Variants in UCHL1 observed in about 807,000 individuals in gnomAD.
UCHL1 encodes the protein ubiquitin carboxyl-terminal hydrolase isozyme L1.
In UCHL1, 5 loss-of-function variants were observed where a neutral mutation model predicts 33.3. That is an observed-to-expected ratio of 0.15 (90% CI 0.08 to 0.32). The LOEUF is 0.32. Ranked by LOEUF, UCHL1 falls within the 10% of genes least tolerant of loss-of-function variation. The probability of loss-of-function intolerance (pLI) is 1.00; values close to 1 mark genes in which losing one functional copy is unlikely to be tolerated. For synonymous variants in UCHL1, 132 were observed against 108.8 expected, an observed-to-expected ratio of 1.21 and a Z score of -1.33; for missense variants, 236 against 280.0, an observed-to-expected ratio of 0.84 and a Z score of 1.12.
At chr4:41,257,327 A>AG in intron 2 of UCHL1, 1 of 1,007,426 alleles carries the variant, frequency 9.9e-7, no homozygotes, top group Non-Finnish European at 1.4e-6. Context: ...GGGGAGACGG[A>AG]GGGGGCTGCG....
intron 3 of UCHL1, among the ~76,000 whole-genome samples, chr4:41,258,001 A>C (rs1019445060): frequency 6.6e-6 from 1 of 152,208 alleles, no homozygotes; most frequent in Non-Finnish European, 1.5e-5. Context: ...CCCGTTATCC[A>C]GGGAAATCAT....
intron 8 of UCHL1, 145 bp from the exon 9 acceptor site, chr4:41,267,842 T>C (rs1257988348): frequency 1.3e-6 from 1 of 762,844 alleles, no homozygotes; most frequent in African/African-American, 1.7e-5. Context: ...GATTTTTTGC[T>C]TTAAGCCCTG....
rs1781058695 is a variant in UCHL1, at chr4:41,260,850, G to C, written c.325+53G>C. ...CCTAAGCTTGAACTTGAAACATGGAGTTCAGAAACAGCTGTTTTCCCGAGG... is the reference window on the plus strand; with the variant it reads ...CCTAAGCTTGAACTTGAAACATGGACTTCAGAAACAGCTGTTTTCCCGAGG... On this transcript the variant is annotated intron_variant, in intron 4 of 8. Coordinates refer to ENST00000284440, the MANE Select transcript of UCHL1 (RefSeq NM_004181.5). 4 of 1,613,132 alleles carry C rather than the reference G, an allele frequency of 2.5e-6. No individual in the cohort carries two copies. The South Asian group carries it at 4.4e-5, about 18-fold the overall frequency.
intron 7 of UCHL1, 89 bp downstream of exon 7, chr4:41,263,380 C>T (rs893875824): frequency 3.3e-6 from 4 of 1,228,242 alleles, no homozygotes; most frequent in Admixed American, 3.4e-5. Context: ...GACTTTATGG[C>T]ACTTGGCATA....
In UCHL1 at chr4:41,257,214, C is replaced by T. The variant is rs1561079179; in HGVS notation, c.45+88C>T. ...ACCGGTTCCGGCTGCTGGCAGGGAC[C>T]AAGCCGCCCGCTGCGAGCACCGGAG... On this transcript the variant is annotated intron_variant, in intron 2 of 8. Coordinates refer to ENST00000284440, the MANE Select transcript of UCHL1 (RefSeq NM_004181.5). 9 of 1,600,388 alleles carry T rather than the reference C, an allele frequency of 5.6e-6. No individual in the cohort carries two copies. In the East Asian group the frequency reaches 1.1e-4, roughly 20 times the overall value.
Position 41,268,132 on chromosome 4 carries a change from C to T in UCHL1, c.*59C>T. The T allele has an allele frequency of 6.9e-7, 1 of 1,453,712 alleles. No homozygotes were observed. Among genetic ancestry groups the T allele is most frequent in the Non-Finnish European group, 9.6e-7 (1 of 1,046,020 alleles). 90.1% of individuals were successfully genotyped at this position (1,453,712 alleles called of 1,614,324 possible). On this transcript the variant is annotated 3_prime_UTR_variant, in exon 9 of 9. Transcript: ENST00000284440. ...CTTCCCTTCAACATGAAAATATATA[C>T]CCCCCCATGCAGTCTAAAATGCTTC...
At chr4:41,257,820 G>C (rs1325568805) in intron 3 of UCHL1, 83 bp downstream of exon 3, 3 of 1,497,356 alleles carry the variant, frequency 2.0e-6, no homozygotes, top group Non-Finnish European at 2.7e-6. Context: ...TCCCCGCCCC[G>C]CCCCCTCCCC....
intron 3 of UCHL1, among the ~76,000 whole-genome samples, chr4:41,259,544 C>T (rs1781037868): frequency 6.6e-6 from 1 of 152,158 alleles, no homozygotes. Flanking sequence ...AGAGATCTTA[C>T]TCTTCTATTA....
At chr4:41,264,199 C>G in intron 8 of UCHL1, 38 bp downstream of exon 8, 9 of 1,612,842 alleles carry the variant, frequency 5.6e-6, no homozygotes, top group Non-Finnish European at 7.6e-6. Flanking sequence ...ATGTGCCTCA[C>G]AATTCTTTGG....
At chr4:41,258,441 C>G (rs1384877633) in intron 3 of UCHL1, among the ~76,000 whole-genome samples, 2 of 152,102 alleles carry the variant, frequency 1.3e-5, no homozygotes, top group African/African-American at 4.8e-5. Flanking sequence ...TTGCATTTCC[C>G]TTGAAATGAT....
At chr4:41,257,427 G>T (rs1780996123) in intron 2 of UCHL1, 182 bp from the exon 3 acceptor site, 4 of 978,404 alleles carry the variant, frequency 4.1e-6, no homozygotes, top group Non-Finnish European at 5.6e-6. Context: ...GGCGCCACGT[G>T]TGGGCCGCGC....
chr4:41,268,144 GT>G lies in UCHL1; in HGVS notation c.*72del. The G allele has an allele frequency of 7.1e-7, 1 of 1,401,956 alleles. No homozygotes were observed. Among genetic ancestry groups the G allele is most frequent in the Non-Finnish European group, 1.0e-6 (1 of 1,003,626 alleles). 86.8% of individuals were successfully genotyped at this position (1,401,956 alleles called of 1,614,324 possible). A position where few individuals can be genotyped will look rare whatever the true frequency, so the allele number is the denominator to read the frequency against. ...ATGAAAATATATACCCCCCCATGCAGTCTAAAATGCTTCAGTACTTGTGAAA... is the reference window on the plus strand; with the variant it reads ...ATGAAAATATATACCCCCCCATGCAGCTAAAATGCTTCAGTACTTGTGAAA... On this transcript the variant is annotated 3_prime_UTR_variant, in exon 9 of 9. Transcript: ENST00000284440.
In UCHL1 at chr4:41,259,050, G is replaced by GTTC. The variant is rs539141588; in HGVS notation, c.174+1315_174+1317dup. ...GCATGTTTGCCTTTAAAAGCTGACT[G>GTTC]TTCTCCTTTTGCTGAATCTTGTTTA... is the stretch of plus-strand genomic sequence containing the variant. On this transcript the variant is annotated intron_variant, in intron 3 of 8. Coordinates refer to ENST00000284440, the MANE Select transcript of UCHL1 (RefSeq NM_004181.5). Among the ~76,000 whole-genome samples the GTTC allele has an allele frequency of 5.4e-4, 83 of 152,324 alleles. 1 individual carries two copies. The South Asian group carries it at 0.017, about 31-fold the overall frequency.
At chr4:41,257,291 G>T in intron 2 of UCHL1, 165 bp downstream of exon 2, 1 of 1,194,734 alleles carries the variant, frequency 8.4e-7, no homozygotes. Context: ...CCTGCATTTA[G>T]CGGGTGACTC....
intron 7 of UCHL1, 124 bp downstream of exon 7, chr4:41,263,415 C>CA: frequency 3.0e-6 from 3 of 996,190 alleles, no homozygotes; most frequent in South Asian, 2.7e-5. Context: ...GCCACAATAA[C>CA]AAAGTATTCT....
chr4:41,256,930 C>A lies in UCHL1; in HGVS notation c.-47C>A, dbSNP rs752001613. ...GCTGCAGCCTGGGCGGCTCCGCTAG[C>A]TGTTTTTCGTCTTCCCTAGGCTATT... On this transcript the variant is annotated 5_prime_UTR_variant, in exon 1 of 9. The change creates a new upstream start codon in the 5' untranslated region. Coordinates refer to ENST00000284440, the MANE Select transcript of UCHL1 (RefSeq NM_004181.5). The A allele has an allele frequency of 3.7e-6, 6 of 1,613,806 alleles. No individual in the cohort carries two copies. In the African/African-American group the frequency reaches 6.7e-5, roughly 18 times the overall value.
chr4:41,257,361 C>T (rs1370531771), intron 2 of UCHL1: 12 of 912,202 alleles, frequency 1.3e-5, no homozygotes, highest in Non-Finnish European at 7.9e-6. Context: ...GAGCGCCAGG[C>T]GGAGCTCCCG....
Position 41,263,985 on chromosome 4 carries a change from C to T in UCHL1, c.527-118C>T, listed in dbSNP as rs1781114302. ...AGCCTCTTGCTTCATAACCAGGCTT[C>T]CTTCTGTGGGTTTGGCAGTGGTTTT... On this transcript the variant is annotated intron_variant, in intron 7 of 8. Coordinates refer to ENST00000284440, the MANE Select transcript of UCHL1 (RefSeq NM_004181.5). The T allele has an allele frequency of 2.3e-6, 3 of 1,318,900 alleles. No individual in the cohort carries two copies. The East Asian group carries it at 6.9e-5, about 30-fold the overall frequency. 81.7% of individuals were successfully genotyped at this position (1,318,900 alleles called of 1,614,324 possible).
rs768996179 is a variant in UCHL1 at position 41,264,109 on chromosome 4, G to A, written c.533G>A (p.Arg178Gln). The stretch of plus-strand genomic sequence containing the variant: ...CCTGGCTTCTTTGTTACAGATGGAC[G>A]AATGCCTTTTCCGGTGAACCATGGC... ...VDGHLYELDG[R>Q]MPFPVNHGAS... Residue 178 changes from arginine to glutamine, a missense_variant, in exon 8 of 9, where the codon CGA (arginine) becomes CAA (glutamine). Physicochemically the swap from Arg to Gln is conservative, Grantham distance 43. Transcript: ENST00000284440. The A allele has an allele frequency of 2.0e-5, 33 of 1,614,210 alleles. No homozygotes were observed. Among genetic ancestry groups the A allele is most frequent in the South Asian group, 7.7e-5 (7 of 91,086 alleles).
Sources: gnomAD v4.1 joint callset for allele counts (sites outside exome capture counted in the v4.1 genomes callset) on GRCh38, gnomAD v4.1.1 for gene constraint, MANE v1.5 for transcripts, NCBI Gene and HGNC (gene_info 2026-07-23, HGNC 2026-07-21) for gene names.